The following CIP2A variants were observed in gnomAD, a reference collection of about 807,000 sequenced individuals.
CIP2A encodes the protein protein CIP2A.
A neutral mutation model predicts 110.9 loss-of-function variants in CIP2A; 103 were observed. The ratio of observed to expected loss-of-function variants is 0.93; its 90% CI spans 0.79 to 1.09. The LOEUF (loss-of-function observed/expected upper bound fraction) is 1.09, where lower values mean the gene tolerates loss of function less well. Ranked by LOEUF, CIP2A falls within the 50% of genes least tolerant of loss-of-function variation. The pLI, the probability that CIP2A is intolerant of heterozygous loss-of-function variation, is 0.00. For missense variants in CIP2A, 1,088 were observed against 1,038.4 expected (o/e 1.05, Z -0.66); for synonymous variants, 381 against 361.6 (o/e 1.05, Z -0.61).
At chr3:108,576,042 G>A (rs903689542) in intron 8 of CIP2A, among the ~76,000 whole-genome samples, 12 of 151,530 alleles carry the variant, frequency 7.9e-5, no homozygotes, top group Admixed American at 7.2e-4. Context: ...CCTTGGTAAA[G>A]GTAAGGAATA....
chr3:108,562,766 T>C (rs1249165914), intron 13 of CIP2A, among the ~76,000 whole-genome samples: 1 of 152,082 alleles, frequency 6.6e-6, no homozygotes, highest in Non-Finnish European at 1.5e-5. Context: ...CAATGACTAA[T>C]GCTTAGACCT....
rs1314869699 is a variant in CIP2A, at chr3:108,553,779, A to T, written c.2325-49T>A. 2.1e-6 allele frequency: 3 copies of T among 1,458,660 alleles called. No homozygotes were observed. The African/African-American group carries it at 4.3e-5, about 21-fold the overall frequency. 90.4% of individuals were successfully genotyped at this position (1,458,660 alleles called of 1,614,324 possible). A position where few individuals can be genotyped will look rare whatever the true frequency, so the allele number is the denominator to read the frequency against. ...AGAAAACATTAATGAACCATATACC[A>T]TTTGTAACTTTTTCTCCCTACCAAG... On this transcript the variant is annotated intron_variant, in intron 18 of 20. Coordinates refer to ENST00000295746, the MANE Select transcript of CIP2A (RefSeq NM_020890.3).
chr3:108,577,811 A>T (rs965085647), intron 7 of CIP2A, among the ~76,000 whole-genome samples: 1 of 152,174 alleles, frequency 6.6e-6, no homozygotes, highest in African/African-American at 2.4e-5. Context: ...AGGCATGAGA[A>T]TCACTTGAAC....
In CIP2A at chr3:108,589,252, C is replaced by T. The variant is rs1176716294; in HGVS notation, c.102+22G>A. On this transcript the variant is annotated intron_variant, in intron 1 of 20. Coordinates refer to ENST00000295746, the MANE Select transcript of CIP2A (RefSeq NM_020890.3). ...AATTGCTAGGGGAAGCCCCATCTGT[C>T]CTCTACCCCAGAGCCTCTCACCTCC... 24 of 1,581,716 alleles carry T rather than the reference C, an allele frequency of 1.5e-5. No homozygotes were observed. In the East Asian group the frequency reaches 5.4e-4, roughly 35 times the overall value.
chr3:108,561,918 C>T (rs888223028), intron 13 of CIP2A, among the ~76,000 whole-genome samples: 1 of 152,088 alleles, frequency 6.6e-6, no homozygotes, highest in Non-Finnish European at 1.5e-5. Flanking sequence ...CTTCCATGTT[C>T]AGTGAGGCTG....
At chr3:108,574,349 T>C (rs1333733031) in intron 8 of CIP2A, among the ~76,000 whole-genome samples, 1 of 152,160 alleles carries the variant, frequency 6.6e-6, no homozygotes, top group Non-Finnish European at 1.5e-5. Context: ...GTGAAAAATA[T>C]CAACTGCTGG....
chr3:108,586,868 G>C (rs963151810), intron 1 of CIP2A, among the ~76,000 whole-genome samples: 2 of 152,058 alleles, frequency 1.3e-5, no homozygotes, highest in African/African-American at 4.8e-5. Context: ...CTCTGCATGG[G>C]GCTATAAAAG....
At chr3:108,562,990 A>G in intron 13 of CIP2A, 136 bp downstream of exon 13, 1 of 635,306 alleles carries the variant, frequency 1.6e-6, no homozygotes. Flanking sequence ...ACATTTTTAG[A>G]AATCACTTGA....
At chr3:108,552,780 T>C (rs1937624950) in intron 19 of CIP2A, among the ~76,000 whole-genome samples, 1 of 152,142 alleles carries the variant, frequency 6.6e-6, no homozygotes, top group Non-Finnish European at 1.5e-5. Flanking sequence ...TTTTTTTATT[T>C]TGAAAAGGGC....
At chr3:108,587,158 G>A (rs915207987) in intron 1 of CIP2A, among the ~76,000 whole-genome samples, 1 of 152,116 alleles carries the variant, frequency 6.6e-6, no homozygotes, top group Non-Finnish European at 1.5e-5. Flanking sequence ...ATAGGCATAT[G>A]TTCCAATGCT....
intron 8 of CIP2A, among the ~76,000 whole-genome samples, chr3:108,575,349 C>CATAT (rs1938546088): frequency 6.7e-6 from 1 of 148,660 alleles, no homozygotes; most frequent in African/African-American, 2.5e-5. Context: ...TACATATACA[C>CATAT]ACATGTGTAT....
chr3:108,583,550 TG>T, intron 2 of CIP2A, among the ~76,000 whole-genome samples: 1 of 152,012 alleles, frequency 6.6e-6, no homozygotes, highest in Admixed American at 6.6e-5. Flanking sequence ...GTTGATCTCA[TG>T]GAAGTGGAGA....
chr3:108,568,900 A>T (rs540103952), intron 9 of CIP2A, among the ~76,000 whole-genome samples: 3 of 151,690 alleles, frequency 2.0e-5, no homozygotes, highest in African/African-American at 4.8e-5. Flanking sequence ...AACAGGGAGA[A>T]TAGTAGAGAA....
At chr3:108,574,224 A>C (rs770923701) in intron 8 of CIP2A, among the ~76,000 whole-genome samples, 1 of 152,150 alleles carries the variant, frequency 6.6e-6, no homozygotes, top group African/African-American at 2.4e-5. Context: ...CACGTCAAAG[A>C]ACATACAAAT....
At chr3:108,555,864 C>A (rs1937782587) in intron 17 of CIP2A, among the ~76,000 whole-genome samples, 1 of 152,078 alleles carries the variant, frequency 6.6e-6, no homozygotes, top group Admixed American at 6.6e-5. Context: ...AATTTACTCG[C>A]CTTTAAAAAT....
intron 14 of CIP2A, among the ~76,000 whole-genome samples, 191 bp downstream of exon 14, chr3:108,560,458 C>A (rs2107321148): frequency 6.6e-6 from 1 of 152,272 alleles, no homozygotes; most frequent in East Asian, 1.9e-4. Context: ...CAGGCGTAAG[C>A]CACCGCACCC....
In CIP2A at chr3:108,551,094, T is replaced by C. The variant is rs373114295; in HGVS notation, c.*55A>G. On this transcript the variant is annotated 3_prime_UTR_variant, in exon 21 of 21. Coordinates refer to ENST00000295746, the MANE Select transcript of CIP2A (RefSeq NM_020890.3). Reference sequence around the variant, plus strand: ...ACTCCCCTACCCACCCCCCCTCCAATAGATAAATACATCAAAAATATCATG... The same window carrying C: ...ACTCCCCTACCCACCCCCCCTCCAACAGATAAATACATCAAAAATATCATG... 1.3e-4 allele frequency: 34 copies of C among 266,584 alleles called. No individual in the cohort carries two copies. Among genetic ancestry groups the C allele is most frequent in the Admixed American group, 1.9e-4 (5 of 25,924 alleles). The allele number at this position is 266,584 out of a possible 1,614,324, so 16.5% of individuals were successfully genotyped here. A position where few individuals can be genotyped will look rare whatever the true frequency, so the allele number is the denominator to read the frequency against.
rs764065807 is a variant in CIP2A at position 108,581,997 on chromosome 3, C to T, written c.452+111G>A. 2.1e-4 allele frequency: 108 copies of T among 503,400 alleles called. 1 individual carries two copies. The highest frequency in any genetic ancestry group is 1.6e-4 in the Non-Finnish European group (45 of 278,338). 31.2% of individuals were successfully genotyped at this position (503,400 alleles called of 1,614,324 possible). A position where few individuals can be genotyped will look rare whatever the true frequency, so the allele number is the denominator to read the frequency against. ...AGAACAAATAAGAATCGGAGTCTCA[C>T]TCAGTTTATATGTTAGAAAATGTTA... On this transcript the variant is annotated intron_variant, in intron 4 of 20. Transcript: ENST00000295746.
intron 10 of CIP2A, among the ~76,000 whole-genome samples, chr3:108,567,112 G>C (rs1224476347): frequency 6.6e-6 from 1 of 151,762 alleles, no homozygotes. Context: ...CTGCATGTTA[G>C]AATCAACCAG....
Sources: allele counts gnomAD v4.1 joint callset (sites outside exome capture counted in the v4.1 genomes callset), GRCh38; gene constraint gnomAD v4.1.1; transcripts MANE v1.5; gene names NCBI Gene and HGNC (gene_info 2026-07-23, HGNC 2026-07-21).